The following RAPGEF4 variants were observed in gnomAD, a reference collection of about 807,000 sequenced individuals.
The protein encoded by RAPGEF4 is Rap guanine nucleotide exchange factor 4, also known as RAP guanine-nucleotide-exchange factor (GEF) 4.
In RAPGEF4, 66 loss-of-function variants were observed where a neutral mutation model predicts 147.9. The ratio of observed to expected loss-of-function variants is 0.45; its 90% confidence interval spans 0.37 to 0.55. The LOEUF (loss-of-function observed/expected upper bound fraction) is 0.55. RAPGEF4 is among the 20% of genes least tolerant of loss of function. The pLI is 0.00. For missense variants in RAPGEF4, 1,071 were observed against 1,257.3 expected, an observed-to-expected ratio of 0.85 and a Z score of 2.24; for synonymous variants, 419 against 442.7, an observed-to-expected ratio of 0.95 and a Z score of 0.67.
intron 4 of RAPGEF4, among the ~76,000 whole-genome samples, chr2:172,902,178 G>A (rs1445792699): frequency 6.6e-6 from 1 of 152,162 alleles, no homozygotes; most frequent in Non-Finnish European, 1.5e-5. Context: ...GGGGAGGCGA[G>A]TGGGGGCTGA....
intron 1 of RAPGEF4, among the ~76,000 whole-genome samples, chr2:172,791,162 A>G (rs1685784811): frequency 6.6e-6 from 1 of 152,186 alleles, no homozygotes; most frequent in African/African-American, 2.4e-5. Context: ...ACCTCCCAAC[A>G]TTGTTGCACT....
intron 6 of RAPGEF4, among the ~76,000 whole-genome samples, chr2:172,931,201 G>GGGGGGGA (rs1685930251): frequency 7.8e-6 from 1 of 128,054 alleles, no homozygotes; most frequent in African/African-American, 2.8e-5. Context: ...GGGGCGGGGG[G>GGGGGGGA]ACTGAACAGG....
chr2:172,960,956 A>G (rs887368232), intron 7 of RAPGEF4, 143 bp downstream of exon 7: 9 of 874,684 alleles, frequency 1.0e-5, no homozygotes, highest in Admixed American at 2.5e-5. Flanking sequence ...TCAGTTCTCA[A>G]CATAAACCAG....
At chr2:172,821,933 G>A in intron 4 of RAPGEF4, 3 of 1,613,320 alleles carry the variant, frequency 1.9e-6, no homozygotes. Flanking sequence ...CTGGATGTCT[G>A]AGAACTTTGA....
At chr2:172,944,579 G>C (rs1687495677) in intron 6 of RAPGEF4, among the ~76,000 whole-genome samples, 1 of 152,146 alleles carries the variant, frequency 6.6e-6, no homozygotes, top group South Asian at 2.1e-4. Context: ...TCACATAAGG[G>C]AAGCAGATGG....
chr2:172,801,171 G>A (rs1686939472), intron 3 of RAPGEF4, among the ~76,000 whole-genome samples: 2 of 152,200 alleles, frequency 1.3e-5, no homozygotes, highest in African/African-American at 4.8e-5. Context: ...TGGGCAAACT[G>A]AGATTTGAAT....
chr2:172,777,782 T>C (rs1272458602), intron 1 of RAPGEF4, among the ~76,000 whole-genome samples: 1 of 152,176 alleles, frequency 6.6e-6, no homozygotes, highest in Non-Finnish European at 1.5e-5. Flanking sequence ...AAGGCGATTG[T>C]GTAGACAGAT....
chr2:172,762,636 G>T (rs1431505137), intron 1 of RAPGEF4, among the ~76,000 whole-genome samples: 3 of 152,148 alleles, frequency 2.0e-5, no homozygotes, highest in Non-Finnish European at 2.9e-5. Context: ...GCCAACAGTG[G>T]ACACACCTGG....
intron 8 of RAPGEF4, 84 bp downstream of exon 8, chr2:172,961,312 C>T (rs1034039427): frequency 1.5e-5 from 17 of 1,114,764 alleles, no homozygotes; most frequent in Non-Finnish European, 2.3e-5. Context: ...CCCTGTTTTC[C>T]ATGTGGGCGC....
intron 1 of RAPGEF4, among the ~76,000 whole-genome samples, chr2:172,772,826 C>A (rs1683764166): frequency 6.6e-6 from 1 of 152,156 alleles, no homozygotes; most frequent in Non-Finnish European, 1.5e-5. Context: ...AGTTTATTTC[C>A]TTATCAAACT....
In RAPGEF4 at chr2:172,932,522, CAAT is replaced by C. The variant is rs535848719; in HGVS notation, c.537+10223_537+10225del. Among the ~76,000 whole-genome samples the C allele has an allele frequency of 2.6e-3, 403 of 152,316 alleles. 4 individuals are homozygous for C. Among genetic ancestry groups the C allele is most frequent in the African/African-American group, 9.3e-3 (386 of 41,558 alleles). On this transcript the variant is annotated intron_variant, in intron 6 of 30. Transcript: ENST00000397081. The stretch of plus-strand genomic sequence containing the variant: ...ATATGAACAAGCTTTTTAATAGTTA[CAAT>C]GTTATATTATTTCCTTTTGTTGTTT...
At chr2:172,842,053 A>G (rs1330201709) in intron 4 of RAPGEF4, among the ~76,000 whole-genome samples, 1 of 152,144 alleles carries the variant, frequency 6.6e-6, no homozygotes, top group East Asian at 1.9e-4. Flanking sequence ...AGGCTAGAAA[A>G]TTATTCATCC....
intron 4 of RAPGEF4, among the ~76,000 whole-genome samples, chr2:172,842,546 T>TC (rs1691730383): frequency 6.6e-6 from 1 of 152,184 alleles, no homozygotes; most frequent in Admixed American, 6.5e-5. Flanking sequence ...GAGGCTGGCA[T>TC]CACCCAAAGG....
rs1690284956 is a variant in RAPGEF4 at position 172,831,266 on chromosome 2, C to CTTTTTTTTTTTTTTTTTGTTTTTTT, written c.444+16858_444+16859insGTTTTTTTTTTTTTTTTTTTTTTTT. On this transcript the variant is annotated intron_variant, in intron 4 of 30. Coordinates refer to ENST00000397081, the MANE Select transcript of RAPGEF4 (RefSeq NM_007023.4). ...AAATGTGACTGTTTCAGATAGAAAA[C>CTTTTTTTTTTTTTTTTTGTTTTTTT]TTTTTTTTTTTTTTTTTTTGAGACA... is the stretch of plus-strand genomic sequence containing the variant. Among the ~76,000 whole-genome samples, 2 of 53,876 alleles carry CTTTTTTTTTTTTTTTTTGTTTTTTT rather than the reference C, an allele frequency of 3.7e-5. 1 individual carries two copies. The highest frequency in any genetic ancestry group is 7.1e-5 in the Non-Finnish European group (2 of 28,100). 35.3% of individuals were successfully genotyped at this position (53,876 alleles called of 152,430 possible).
intron 4 of RAPGEF4, among the ~76,000 whole-genome samples, chr2:172,834,286 G>C (rs1690684683): frequency 6.6e-6 from 1 of 152,192 alleles, no homozygotes; most frequent in South Asian, 2.1e-4. Flanking sequence ...TATCATCCCA[G>C]TGCTCAATGT....
At chr2:172,915,669 A>G (rs1030299687) in intron 4 of RAPGEF4, among the ~76,000 whole-genome samples, 1 of 136,100 alleles carries the variant, frequency 7.3e-6, no homozygotes, top group Non-Finnish European at 1.5e-5. Flanking sequence ...GCTCGACTGC[A>G]CTCCAGCCTG....
intron 1 of RAPGEF4, among the ~76,000 whole-genome samples, chr2:172,753,411 T>TA (rs397765807): frequency 6.1e-4 from 92 of 151,604 alleles, no homozygotes; most frequent in Non-Finnish European, 1.0e-3. Context: ...TTTTTTTTTT[T>TA]AATTTACCTA....
chr2:172,958,900 T>G (rs1237923740), intron 6 of RAPGEF4, among the ~76,000 whole-genome samples: 1 of 152,252 alleles, frequency 6.6e-6, no homozygotes, highest in African/African-American at 2.4e-5. Context: ...CACTTGAAAC[T>G]TATTGTTAAT....
chr2:172,887,941 G>GAT (rs1307966872), intron 4 of RAPGEF4, among the ~76,000 whole-genome samples: 1 of 152,054 alleles, frequency 6.6e-6, no homozygotes, highest in Non-Finnish European at 1.5e-5. Context: ...ACTTTGTCCA[G>GAT]ATATATATTA....
Sources: gnomAD v4.1 joint callset for allele counts (sites outside exome capture counted in the v4.1 genomes callset) on GRCh38, gnomAD v4.1.1 for gene constraint, MANE v1.5 for transcripts, NCBI Gene and HGNC (gene_info 2026-07-23, HGNC 2026-07-21) for gene names.